FHIT: variants seen among roughly 807,000 people sequenced by gnomAD.
FHIT encodes the protein fragile histidine triad diadenosine triphosphatase.
A neutral mutation model predicts 17.9 loss-of-function variants in FHIT; 19 were observed. That is an observed-to-expected ratio of 1.06 (90% CI 0.74 to 1.56). The LOEUF is 1.56. Among genes scored for constraint, FHIT ranks in the 40% most tolerant of loss-of-function variants. FHIT has a pLI of 0.00. For synonymous variants in FHIT, 81 were observed against 69.7 expected (o/e 1.16, Z -0.81); for missense variants, 248 against 189.2 (o/e 1.31, Z -1.82).
At chr3:60,256,270 T>C (rs1705987720) in intron 5 of FHIT, among the ~76,000 whole-genome samples, 1 of 152,216 alleles carries the variant, frequency 6.6e-6, no homozygotes, top group African/African-American at 2.4e-5. Flanking sequence ...TGCTTTAATT[T>C]CATTGCAGCA....
intron 3 of FHIT, among the ~76,000 whole-genome samples, chr3:60,927,491 G>A (rs1308280044): frequency 6.6e-6 from 1 of 151,170 alleles, no homozygotes; most frequent in African/African-American, 2.4e-5. Flanking sequence ...CCCAGTCTGG[G>A]AAGTGAGGAG....
At chr3:60,551,290 T>G (rs1370783151) in intron 4 of FHIT, among the ~76,000 whole-genome samples, 3 of 150,392 alleles carry the variant, frequency 2.0e-5, no homozygotes, top group Non-Finnish European at 4.4e-5. Context: ...GTGTTCAGGG[T>G]CTAAATTTGA....
intron 8 of FHIT, among the ~76,000 whole-genome samples, chr3:59,853,064 T>C (rs1702005521): frequency 6.6e-6 from 1 of 152,316 alleles, no homozygotes; most frequent in African/African-American, 2.4e-5. Flanking sequence ...CTGGATCATG[T>C]TGTAAGAGCA....
At chr3:61,085,680 T>C (rs1030595834) in intron 2 of FHIT, among the ~76,000 whole-genome samples, 3 of 152,128 alleles carry the variant, frequency 2.0e-5, no homozygotes, top group Non-Finnish European at 4.4e-5. Flanking sequence ...TGGTGTTATA[T>C]CTAAGAAATA....
chr3:60,165,480 G>T (rs191754196), intron 5 of FHIT, among the ~76,000 whole-genome samples: 3 of 152,270 alleles, frequency 2.0e-5, no homozygotes, highest in African/African-American at 7.2e-5. Context: ...TGGGGAATCC[G>T]TACAGCTCAT....
At chr3:60,242,403 T>A (rs896816835) in intron 5 of FHIT, among the ~76,000 whole-genome samples, 8 of 152,120 alleles carry the variant, frequency 5.3e-5, no homozygotes, top group Non-Finnish European at 1.0e-4. Context: ...CAAAACCCAT[T>A]TGGGTCCTTA....
intron 3 of FHIT, among the ~76,000 whole-genome samples, chr3:60,934,933 C>T (rs1263854013): frequency 1.3e-5 from 2 of 152,192 alleles, no homozygotes; most frequent in Non-Finnish European, 2.9e-5. Flanking sequence ...GAAAGTGCCC[C>T]TCCTGGCTCC....
At chr3:60,233,280 A>G (rs951840455) in intron 5 of FHIT, among the ~76,000 whole-genome samples, 16 of 152,190 alleles carry the variant, frequency 1.1e-4, no homozygotes, top group African/African-American at 3.1e-4. Flanking sequence ...CTGGCAATCC[A>G]TGATTTTATC....
chr3:60,297,141 T>C (rs2106690658), intron 5 of FHIT, among the ~76,000 whole-genome samples: 1 of 152,202 alleles, frequency 6.6e-6, no homozygotes, highest in African/African-American at 2.4e-5. Context: ...TGCCTTTACA[T>C]ATGAATTTCA....
At chr3:61,236,266 A>C (rs1576276451) in intron 1 of FHIT, among the ~76,000 whole-genome samples, 1 of 148,256 alleles carries the variant, frequency 6.7e-6, no homozygotes, top group African/African-American at 2.5e-5. Flanking sequence ...TATTATTGTT[A>C]TATAATATAT....
chr3:60,000,838 C>T (rs188044266), intron 7 of FHIT, among the ~76,000 whole-genome samples: 131 of 152,246 alleles, frequency 8.6e-4, no homozygotes, highest in African/African-American at 2.8e-3. Flanking sequence ...AACGGCTCCC[C>T]GCCCACTCTT....
chr3:60,968,950 T>C (rs1366390941), intron 3 of FHIT, among the ~76,000 whole-genome samples: 1 of 152,196 alleles, frequency 6.6e-6, no homozygotes, highest in East Asian at 1.9e-4. Flanking sequence ...TCTTTTTATA[T>C]ATCACTGGAT....
intron 3 of FHIT, among the ~76,000 whole-genome samples, chr3:60,880,920 G>A (rs1704944865): frequency 6.6e-6 from 1 of 152,152 alleles, no homozygotes; most frequent in South Asian, 2.1e-4. Context: ...ACAGAAGCAA[G>A]TCATGACTTA....
chr3:61,138,454 G>C (rs2036980608), intron 2 of FHIT, among the ~76,000 whole-genome samples: 1 of 152,176 alleles, frequency 6.6e-6, no homozygotes, highest in Admixed American at 6.5e-5. Flanking sequence ...ATTACAGCTG[G>C]GCCTTTTCAC....
At chr3:61,220,002 C>G (rs1329308342) in intron 1 of FHIT, among the ~76,000 whole-genome samples, 2 of 152,168 alleles carry the variant, frequency 1.3e-5, no homozygotes, top group African/African-American at 4.8e-5. Context: ...TCTATTGTTG[C>G]ATTCTGCAGC....
At chr3:60,843,536 A>G (rs1702811880) in intron 3 of FHIT, among the ~76,000 whole-genome samples, 1 of 152,184 alleles carries the variant, frequency 6.6e-6, no homozygotes, top group African/African-American at 2.4e-5. Flanking sequence ...ACATTCCTTC[A>G]GTCTATGTGT....
At chr3:60,606,548 G>C (rs1348790939) in intron 4 of FHIT, among the ~76,000 whole-genome samples, 4 of 152,088 alleles carry the variant, frequency 2.6e-5, no homozygotes, top group African/African-American at 9.7e-5. Flanking sequence ...GCCTGTGATA[G>C]CATCTTGATT....
At chr3:59,752,169 C>G in intron 9 of FHIT, 52 bp downstream of exon 9, 1 of 1,339,076 alleles carries the variant, frequency 7.5e-7, no homozygotes, top group South Asian at 1.2e-5. Flanking sequence ...AGTGCAGCCT[C>G]TTTCCTGAGG....
intron 2 of FHIT, among the ~76,000 whole-genome samples, chr3:61,129,132 C>A (rs1171903250): frequency 2.0e-5 from 3 of 152,132 alleles, no homozygotes; most frequent in Admixed American, 6.5e-5. Flanking sequence ...TATGACATCC[C>A]ACAATCAAAG....
Sources: gnomAD v4.1 joint callset for allele counts (sites outside exome capture counted in the v4.1 genomes callset) on GRCh38, gnomAD v4.1.1 for gene constraint, MANE v1.5 for transcripts, NCBI Gene and HGNC (gene_info 2026-07-23, HGNC 2026-07-21) for gene names.